CHD9: variants seen among roughly 807,000 people sequenced by gnomAD.
CHD9 encodes the protein chromodomain helicase DNA binding protein 9, also known as ATP-dependent chromatin remodeler CHD9.
A neutral mutation model predicts 316.1 loss-of-function variants in CHD9; 77 were observed. That is an observed-to-expected ratio of 0.24 (90% CI 0.20 to 0.29). CHD9 has a LOEUF of 0.29. CHD9 is among the 10% of genes least tolerant of loss of function. The probability of loss-of-function intolerance (pLI) is 1.00; values close to 1 mark genes in which losing one functional copy is unlikely to be tolerated. For missense variants in CHD9, 2,763 were observed against 3,438.1 expected (o/e 0.80, Z 4.91); for synonymous variants, 1,129 against 1,158.3 (o/e 0.97, Z 0.51).
intron 19 of CHD9, among the ~76,000 whole-genome samples, chr16:53,256,186 G>A (rs73599693): frequency 0.033 from 4,980 of 151,926 alleles, 103 homozygotes; most frequent in Middle Eastern, 0.072. Context: ...AAATCTGGCC[G>A]GGCGAGGTGG....
At chr16:53,219,375 G>A (rs927279619) in intron 3 of CHD9, among the ~76,000 whole-genome samples, 1 of 152,150 alleles carries the variant, frequency 6.6e-6, no homozygotes, top group African/African-American at 2.4e-5. Context: ...GTTAAGAAAA[G>A]ATTAAATTAA....
rs1279421539 is a variant in CHD9, at chr16:53,314,827, C to G, written c.7367C>G (p.Ser2456Cys). ...FNRNKPPNHV[S>C]LGLTSSQIST... is the part of the protein sequence containing the mutation. Reference sequence around the variant, plus strand: ...CCATTTGGTGTTTTTTTACAGGTTTCTTTAGGCTTAACCTCCTCACAGATT... The same window carrying G: ...CCATTTGGTGTTTTTTTACAGGTTTGTTTAGGCTTAACCTCCTCACAGATT... The change falls in exon 36 of 39, where the codon TCT becomes TGT. Residue 2456 changes from serine to cysteine, a missense_variant. This residue lies in a region of CHD9 where 663 missense variants were observed against 751.2 expected (regional missense o/e 0.88). Transcript: ENST00000447540. The G allele has an allele frequency of 6.2e-7, 1 of 1,602,802 alleles. No homozygotes were observed. Among genetic ancestry groups the G allele is most frequent in the East Asian group, 2.2e-5 (1 of 44,704 alleles).
chr16:53,107,078 T>G lies in CHD9; in HGVS notation c.-164-48848T>G, dbSNP rs570356398. Reference sequence around the variant, plus strand: ...CCCTCACCATCTAGAAATTCTATTTTGCATCTGTTTATTGATAAAATTTTC... The same window carrying G: ...CCCTCACCATCTAGAAATTCTATTTGGCATCTGTTTATTGATAAAATTTTC... On this transcript the variant is annotated intron_variant, in intron 1 of 38. Transcript: ENST00000447540. Among the ~76,000 whole-genome samples, 11 of 152,304 alleles carry G rather than the reference T, an allele frequency of 7.2e-5. No individual in the cohort carries two copies. The South Asian group carries it at 2.3e-3, about 32-fold the overall frequency.
Position 53,229,063 on chromosome 16 carries a change from A to C in CHD9, c.2249A>C (p.Lys750Thr). The change falls in exon 8 of 39, where the codon AAA (lysine) becomes ACA (threonine). Residue 750 changes from lysine to threonine, a missense_variant. Physicochemically the swap from Lys to Thr is moderately conservative, Grantham distance 78. Around this residue, in one of 15 missense-constraint regions of CHD9, gnomAD observed 859 missense variants for 890.4 expected, o/e 0.96. Transcript: ENST00000447540. Reference sequence around the variant, plus strand: ...ATCCAGCAGAAAATCAAACGATTCAAATTGAGACAAGCACAAAGAGCACAT... The same window carrying C: ...ATCCAGCAGAAAATCAAACGATTCACATTGAGACAAGCACAAAGAGCACAT... Reference protein sequence around the residue: ...KRIQQKIKRFKLRQAQRAHFF... With the variant: ...KRIQQKIKRFTLRQAQRAHFF... 1.3e-6 allele frequency: 2 copies of C among 1,593,274 alleles called. No homozygotes were observed. Among genetic ancestry groups the C allele is most frequent in the Non-Finnish European group, 1.7e-6 (2 of 1,168,956 alleles).
intron 30 of CHD9, among the ~76,000 whole-genome samples, chr16:53,301,664 A>T (rs2055430939): frequency 1.3e-5 from 2 of 152,054 alleles, no homozygotes; most frequent in South Asian, 4.2e-4. Context: ...ATTTTTTTTC[A>T]AATTTTTTTG....
intron 17 of CHD9, among the ~76,000 whole-genome samples, chr16:53,251,010 T>C (rs1477027): frequency 0.31 from 47,260 of 152,086 alleles, 7,508 homozygotes; most frequent in Middle Eastern, 0.38. Context: ...TTAAATTGCT[T>C]ATTTATGTAA....
chr16:53,216,175 A>G (rs1482493703), intron 3 of CHD9, among the ~76,000 whole-genome samples: 1 of 152,114 alleles, frequency 6.6e-6, no homozygotes, highest in Non-Finnish European at 1.5e-5. Context: ...TTTATAATGA[A>G]ATTTTATTTT....
chr16:53,150,104 G>C (rs766827078), intron 1 of CHD9, among the ~76,000 whole-genome samples: 1 of 151,732 alleles, frequency 6.6e-6, no homozygotes, highest in Non-Finnish European at 1.5e-5. Flanking sequence ...TACATTTAAA[G>C]TAATTATTGA....
chr16:53,198,548 A>T (rs923798439), intron 2 of CHD9, among the ~76,000 whole-genome samples: 4 of 151,464 alleles, frequency 2.6e-5, no homozygotes, highest in African/African-American at 4.9e-5. Context: ...GGATGGTCTC[A>T]ATCTCCTGAC....
chr16:53,162,736 A>T (rs934992522), intron 2 of CHD9, among the ~76,000 whole-genome samples: 1 of 151,920 alleles, frequency 6.6e-6, no homozygotes, highest in African/African-American at 2.4e-5. Flanking sequence ...TTATAAACTT[A>T]AAAAAAACTT....
chr16:53,118,080 G>T (rs1031651791), intron 1 of CHD9, among the ~76,000 whole-genome samples: 4 of 152,202 alleles, frequency 2.6e-5, no homozygotes, highest in Middle Eastern at 3.4e-3. Context: ...ACCCGCCTCG[G>T]CCTCCCAAAG....
At chr16:53,227,957 G>A (rs1250358950) in intron 7 of CHD9, among the ~76,000 whole-genome samples, 7 of 152,022 alleles carry the variant, frequency 4.6e-5, no homozygotes, top group Middle Eastern at 3.4e-3. Flanking sequence ...GTGGTGGCAC[G>A]CACCTGTAGT....
chr16:53,279,088 A>C (rs1417855460), intron 24 of CHD9, among the ~76,000 whole-genome samples: 4 of 152,210 alleles, frequency 2.6e-5, no homozygotes, highest in African/African-American at 9.7e-5. Context: ...TATTCACAAC[A>C]GCAGAGACTT....
At chr16:53,300,723 C>G (rs1022207320) in intron 30 of CHD9, among the ~76,000 whole-genome samples, 20 of 152,312 alleles carry the variant, frequency 1.3e-4, no homozygotes, top group African/African-American at 4.6e-4. Context: ...CCGCAGTGTT[C>G]AAGTGCTGGA....
At chr16:53,084,170 G>T (rs2152540168) in intron 1 of CHD9, among the ~76,000 whole-genome samples, 1 of 152,274 alleles carries the variant, frequency 6.6e-6, no homozygotes, top group East Asian at 1.9e-4. Flanking sequence ...GAGATTACAG[G>T]TGTGAGCCAC....
intron 2 of CHD9, among the ~76,000 whole-genome samples, chr16:53,178,497 A>G: frequency 6.7e-6 from 1 of 150,358 alleles, no homozygotes; most frequent in Non-Finnish European, 1.5e-5. Flanking sequence ...TAGTGGCGCA[A>G]ACATGGCTCA....
At chr16:53,293,088 T>A in intron 29 of CHD9, 36 bp downstream of exon 29, 2 of 1,501,416 alleles carry the variant, frequency 1.3e-6, no homozygotes, top group Non-Finnish European at 1.8e-6. Flanking sequence ...ATGTATTGTC[T>A]AAATGTAGCT....
At chr16:53,160,273 G>T (rs375773015) in intron 2 of CHD9, among the ~76,000 whole-genome samples, 1 of 151,906 alleles carries the variant, frequency 6.6e-6, no homozygotes, top group East Asian at 1.9e-4. Context: ...TCTTTTTGTT[G>T]CTTTTGTTTT....
At chr16:53,066,012 C>T (rs1389063827) in intron 1 of CHD9, among the ~76,000 whole-genome samples, 1 of 152,158 alleles carries the variant, frequency 6.6e-6, no homozygotes, top group Non-Finnish European at 1.5e-5. Flanking sequence ...CTACTCTCCT[C>T]GTATTTTGGG....
Sources: gnomAD v4.1 joint callset for allele counts (sites outside exome capture counted in the v4.1 genomes callset) on GRCh38, gnomAD v4.1.1 for gene constraint, gnomAD v4.1.1 regional missense constraint, MANE v1.5 for transcripts, NCBI Gene and HGNC (gene_info 2026-07-23, HGNC 2026-07-21) for gene names.